The following LOC128462377 variants were observed in gnomAD, a reference collection of about 807,000 sequenced individuals.
the LOC128462377 span, chr16:89,323,234 A>C: frequency 1.7e-6 from 2 of 1,180,502 alleles, no homozygotes; most frequent in Non-Finnish European, 2.2e-6. Flanking sequence ...AAAAAAGAAA[A>C]AAGGAGAAAA....
At chr16:89,390,753 T>C in the LOC128462377 span, among the ~76,000 whole-genome samples, 1 of 151,990 alleles carries the variant, frequency 6.6e-6, no homozygotes, top group Non-Finnish European at 1.5e-5. Context: ...GTGAAAATCT[T>C]TCAAAAACAA....
chr16:89,328,533 A>G, the LOC128462377 span, among the ~76,000 whole-genome samples: 336 of 151,712 alleles, frequency 2.2e-3, 3 homozygotes, highest in African/African-American at 7.9e-3. Flanking sequence ...GATACACCCA[A>G]GCGTATGGGT....
the LOC128462377 span, chr16:89,323,007 C>CTAATTTCTG: frequency 1.0e-5 from 3 of 299,352 alleles, no homozygotes; most frequent in Non-Finnish European, 2.0e-5. Context: ...CCATGCCCGG[C>CTAATTTCTG]TAATTTCTGT....
At chr16:89,325,671 G>A in the LOC128462377 span, among the ~76,000 whole-genome samples, 12 of 152,222 alleles carry the variant, frequency 7.9e-5, no homozygotes, top group Non-Finnish European at 1.5e-4. Flanking sequence ...TGAAGGCTGC[G>A]GAGGCGTTTG....
At chr16:89,320,501 G>C in the LOC128462377 span, 8 of 152,354 alleles carry the variant, frequency 5.3e-5, no homozygotes, top group East Asian at 1.5e-3. Flanking sequence ...AGAGCCGAGG[G>C]GCCGGCCAGC....
chr16:89,373,039 A>C, the LOC128462377 span: 1 of 152,246 alleles, frequency 6.6e-6, no homozygotes, highest in African/African-American at 2.4e-5. Flanking sequence ...AGAATCTTCC[A>C]GTCACCGTTC....
At chr16:89,363,302 G>A in the LOC128462377 span, among the ~76,000 whole-genome samples, 7 of 152,102 alleles carry the variant, frequency 4.6e-5, no homozygotes, top group Admixed American at 6.6e-5. Flanking sequence ...CGGTGCATGC[G>A]AATTTGTTAT....
chr16:89,406,821 G>C, the LOC128462377 span, among the ~76,000 whole-genome samples: 2 of 152,332 alleles, frequency 1.3e-5, no homozygotes, highest in South Asian at 4.1e-4. Flanking sequence ...GGAGGCAGCA[G>C]AAAGGACAGC....
the LOC128462377 span, among the ~76,000 whole-genome samples, chr16:89,406,944 C>A: frequency 6.6e-6 from 1 of 152,088 alleles, no homozygotes; most frequent in African/African-American, 2.4e-5. Flanking sequence ...TTTGGGAGGC[C>A]AGGGGAAGGG....
the LOC128462377 span, among the ~76,000 whole-genome samples, chr16:89,371,751 C>T: frequency 6.6e-6 from 1 of 152,258 alleles, no homozygotes; most frequent in East Asian, 1.9e-4. Flanking sequence ...CTCCTGCACC[C>T]CCTCAGGATG....
chr16:89,392,960 CCTTT>C, the LOC128462377 span, among the ~76,000 whole-genome samples: 2 of 151,822 alleles, frequency 1.3e-5, no homozygotes, highest in African/African-American at 4.8e-5. Context: ...TCACCAAGGC[CCTTT>C]CTGTTTCCCC....
At chr16:89,382,607 G>A in the LOC128462377 span, among the ~76,000 whole-genome samples, 1 of 152,192 alleles carries the variant, frequency 6.6e-6, no homozygotes, top group South Asian at 2.1e-4. Flanking sequence ...AAAGTGCTGA[G>A]ATTACAGGCC....
chr16:89,338,903 CA>C, the LOC128462377 span, among the ~76,000 whole-genome samples: 2 of 151,938 alleles, frequency 1.3e-5, no homozygotes, highest in Admixed American at 6.6e-5. Context: ...TAATTAGTAA[CA>C]AAAAAATCAC....
the LOC128462377 span, among the ~76,000 whole-genome samples, chr16:89,359,730 T>C: frequency 6.6e-6 from 1 of 152,224 alleles, no homozygotes; most frequent in South Asian, 2.1e-4. Flanking sequence ...ACGGTCTTCA[T>C]ATCTGAGTCT....
chr16:89,334,960 T>C, the LOC128462377 span, among the ~76,000 whole-genome samples: 1 of 151,212 alleles, frequency 6.6e-6, no homozygotes, highest in Non-Finnish European at 1.5e-5. Flanking sequence ...AGCAGCAGAG[T>C]GGAGGGGAGG....
the LOC128462377 span, among the ~76,000 whole-genome samples, chr16:89,375,212 C>T: frequency 5.9e-5 from 9 of 152,206 alleles, no homozygotes; most frequent in South Asian, 1.2e-3. Context: ...TGTCGGTATC[C>T]GCTTAAAACA....
chr16:89,417,813 C>A, the LOC128462377 span, among the ~76,000 whole-genome samples: 1 of 152,126 alleles, frequency 6.6e-6, no homozygotes, highest in Non-Finnish European at 1.5e-5. Context: ...TCCCAGGATA[C>A]AGAATCCTCA....
At chr16:89,335,616 G>A in the LOC128462377 span, among the ~76,000 whole-genome samples, 3 of 152,036 alleles carry the variant, frequency 2.0e-5, no homozygotes, top group Non-Finnish European at 4.4e-5. Context: ...GGTTTGCAAA[G>A]CCCCGTCACA....
the LOC128462377 span, among the ~76,000 whole-genome samples, chr16:89,342,645 A>T: frequency 6.6e-6 from 1 of 152,330 alleles, no homozygotes. Context: ...CCCAAGTATG[A>T]GCTGACATTC....
Sources: gnomAD v4.1 joint callset for allele counts (sites outside exome capture counted in the v4.1 genomes callset) on GRCh38, gnomAD v4.1.1 for gene constraint, MANE v1.5 for transcripts.